The following DSCAM variants were observed in gnomAD, a reference collection of about 807,000 sequenced individuals.
The protein encoded by DSCAM is cell adhesion molecule DSCAM.
A neutral mutation model predicts 217.7 loss-of-function variants in DSCAM; 47 were observed. That is an observed-to-expected ratio of 0.22 (90% confidence interval 0.17 to 0.28). The LOEUF is 0.28. Among genes scored for constraint, DSCAM ranks in the 10% least tolerant of loss-of-function variants. The pLI is 1.00. For missense variants in DSCAM, 2,080 were observed against 2,618.3 expected (o/e 0.79, Z 4.49); for synonymous variants, 1,056 against 1,015.3 (o/e 1.04, Z -0.76).
chr21:40,108,194 T>C (rs2089846122), intron 20 of DSCAM, among the ~76,000 whole-genome samples: 1 of 152,152 alleles, frequency 6.6e-6, no homozygotes, highest in South Asian at 2.1e-4. Context: ...ATAAAAGGCA[T>C]TCAAACAGGA....
At chr21:40,072,294 G>A (rs1195259505) in intron 27 of DSCAM, among the ~76,000 whole-genome samples, 8 of 151,994 alleles carry the variant, frequency 5.3e-5, no homozygotes, top group Non-Finnish European at 7.4e-5. Context: ...CCATTCAGAA[G>A]TGGTGTGAAA....
intron 11 of DSCAM, among the ~76,000 whole-genome samples, chr21:40,210,023 C>T (rs1026173392): frequency 7.9e-5 from 12 of 151,928 alleles, no homozygotes; most frequent in East Asian, 3.9e-4. Flanking sequence ...TTCCAGTTAC[C>T]CACTAACTCC....
At chr21:40,678,736 T>C (rs1250323002) in intron 3 of DSCAM, among the ~76,000 whole-genome samples, 1 of 152,070 alleles carries the variant, frequency 6.6e-6, no homozygotes, top group Non-Finnish European at 1.5e-5. Context: ...ACAAAAGCTA[T>C]CCATGGCAGG....
At chr21:40,283,915 T>TC (rs2073794699) in intron 10 of DSCAM, among the ~76,000 whole-genome samples, 1 of 150,270 alleles carries the variant, frequency 6.7e-6, no homozygotes, top group Non-Finnish European at 1.5e-5. Context: ...AAAGGAGGTC[T>TC]CTTTAGCCTC....
intron 11 of DSCAM, among the ~76,000 whole-genome samples, chr21:40,202,252 T>C (rs777099519): frequency 6.6e-6 from 1 of 152,254 alleles, no homozygotes; most frequent in Non-Finnish European, 1.5e-5. Context: ...AGGCAAGCAG[T>C]TTCCATGTGG....
intron 27 of DSCAM, among the ~76,000 whole-genome samples, chr21:40,070,961 A>G (rs1015379225): frequency 1.3e-5 from 2 of 152,230 alleles, no homozygotes; most frequent in African/African-American, 4.8e-5. Flanking sequence ...CCACAAAAGC[A>G]TGGTCAAATG....
intron 1 of DSCAM, among the ~76,000 whole-genome samples, chr21:40,777,433 A>G (rs753774493): frequency 9.2e-5 from 14 of 152,206 alleles, no homozygotes; most frequent in Non-Finnish European, 1.8e-4. Context: ...TCTTTAATAT[A>G]AATGGAAATC....
intron 32 of DSCAM, among the ~76,000 whole-genome samples, chr21:40,029,240 C>T (rs1358862413): frequency 6.6e-6 from 1 of 152,034 alleles, no homozygotes; most frequent in South Asian, 2.1e-4. Flanking sequence ...CCTGTGCCGT[C>T]AAGAGAAGCC....
intron 3 of DSCAM, among the ~76,000 whole-genome samples, chr21:40,563,635 T>C (rs2076739744): frequency 6.8e-6 from 1 of 146,222 alleles, no homozygotes; most frequent in South Asian, 2.1e-4. Context: ...TAGTTATATG[T>C]GTATATATAG....
chr21:40,450,902 A>AT (rs1414750365), intron 3 of DSCAM, among the ~76,000 whole-genome samples: 1 of 152,206 alleles, frequency 6.6e-6, no homozygotes, highest in Non-Finnish European at 1.5e-5. Flanking sequence ...TTTCAATCTT[A>AT]TTTTATAAAC....
At chr21:40,791,387 G>C (rs1013108918) in intron 1 of DSCAM, among the ~76,000 whole-genome samples, 2 of 152,158 alleles carry the variant, frequency 1.3e-5, no homozygotes, top group African/African-American at 4.8e-5. Context: ...AGGCGCAGTG[G>C]TTCACGCCTG....
At chr21:40,037,019 A>G (rs1240009982) in intron 32 of DSCAM, among the ~76,000 whole-genome samples, 1 of 150,414 alleles carries the variant, frequency 6.6e-6, no homozygotes, top group African/African-American at 2.5e-5. Flanking sequence ...ACGTATTTCA[A>G]AATAATAAGA....
chr21:40,517,827 G>A (rs536897516), intron 3 of DSCAM, among the ~76,000 whole-genome samples: 31 of 152,264 alleles, frequency 2.0e-4, no homozygotes, highest in African/African-American at 6.5e-4. Flanking sequence ...TGACAGTGCT[G>A]TGTCCCTGGC....
At chr21:40,773,021 T>C (rs2091459900) in intron 1 of DSCAM, among the ~76,000 whole-genome samples, 1 of 152,188 alleles carries the variant, frequency 6.6e-6, no homozygotes, top group Non-Finnish European at 1.5e-5. Flanking sequence ...CACAGGTGGA[T>C]CATATCCCTG....
At chr21:40,518,738 T>C (rs1453347556) in intron 3 of DSCAM, among the ~76,000 whole-genome samples, 1 of 148,470 alleles carries the variant, frequency 6.7e-6, no homozygotes, top group African/African-American at 2.5e-5. Context: ...AAATTTTACT[T>C]CATTGAGTTA....
At chr21:40,209,389 A>T (rs2091159420) in intron 11 of DSCAM, among the ~76,000 whole-genome samples, 1 of 152,178 alleles carries the variant, frequency 6.6e-6, no homozygotes, top group Non-Finnish European at 1.5e-5. Flanking sequence ...GCCTGCACAC[A>T]CAAGACTCCT....
chr21:40,662,445 T>G (rs2090148771), intron 3 of DSCAM, among the ~76,000 whole-genome samples: 1 of 152,222 alleles, frequency 6.6e-6, no homozygotes, highest in Non-Finnish European at 1.5e-5. Context: ...TGGCCATAAG[T>G]GACGCAAAGT....
chr21:40,668,820 C>T (rs191678544), intron 3 of DSCAM, among the ~76,000 whole-genome samples: 1 of 152,132 alleles, frequency 6.6e-6, no homozygotes, highest in Admixed American at 6.5e-5. Context: ...CCAGACCACC[C>T]AGAGATGCCT....
At chr21:40,614,360 G>T (rs2089358820) in intron 3 of DSCAM, among the ~76,000 whole-genome samples, 1 of 152,046 alleles carries the variant, frequency 6.6e-6, no homozygotes, top group Admixed American at 6.5e-5. Context: ...TTGTTTAAAG[G>T]GTTTCTGGCT....
Sources: allele counts gnomAD v4.1 joint callset (sites outside exome capture counted in the v4.1 genomes callset), GRCh38; gene constraint gnomAD v4.1.1; transcripts MANE v1.5; gene names NCBI Gene and HGNC (gene_info 2026-07-23, HGNC 2026-07-21).